The following CORO2B variants were observed in gnomAD, a reference collection of about 807,000 sequenced individuals.
CORO2B encodes coronin-2B.
In CORO2B, 26 loss-of-function variants were observed where a neutral mutation model predicts 58.8. That is an observed-to-expected ratio of 0.44 (90% CI 0.32 to 0.61). The LOEUF (loss-of-function observed/expected upper bound fraction) is 0.61. CORO2B is among the 20% of genes least tolerant of loss of function. The probability of loss-of-function intolerance (pLI) is 0.04; values close to 1 mark genes in which losing one functional copy is unlikely to be tolerated. For missense variants in CORO2B, 460 were observed against 645.1 expected, an observed-to-expected ratio of 0.71 and a Z score of 3.11; for synonymous variants, 242 against 253.8, an observed-to-expected ratio of 0.95 and a Z score of 0.44.
At chr15:68,600,261 C>T (rs879872323) in intron 1 of CORO2B, among the ~76,000 whole-genome samples, 1 of 152,194 alleles carries the variant, frequency 6.6e-6, no homozygotes, top group East Asian at 1.9e-4. Flanking sequence ...TGCACTCCTC[C>T]GTGGAGGCCT....
chr15:68,697,944 G>A (rs1326932532), intron 3 of CORO2B, among the ~76,000 whole-genome samples: 3 of 152,184 alleles, frequency 2.0e-5, no homozygotes, highest in African/African-American at 4.8e-5. Context: ...AGCTGGCTCC[G>A]TCCCTGCCTG....
intron 1 of CORO2B, among the ~76,000 whole-genome samples, chr15:68,615,569 T>G (rs1186903508): frequency 6.6e-6 from 1 of 152,186 alleles, no homozygotes; most frequent in Non-Finnish European, 1.5e-5. Context: ...CTAAAGTTAT[T>G]AAGAGGTGGA....
the CORO2B span, among the ~76,000 whole-genome samples, chr15:68,554,668 C>T: frequency 3.5e-4 from 54 of 152,322 alleles, no homozygotes; most frequent in South Asian, 4.1e-4. Flanking sequence ...TTGGTTTAAT[C>T]TCATTCACTC....
At chr15:68,570,496 A>T in the CORO2B span, among the ~76,000 whole-genome samples, 7 of 152,250 alleles carry the variant, frequency 4.6e-5, no homozygotes, top group African/African-American at 1.7e-4. Context: ...GTGGTGACTC[A>T]TAAGCTGGTG....
the CORO2B span, among the ~76,000 whole-genome samples, chr15:68,532,430 T>A: frequency 6.6e-6 from 1 of 152,168 alleles, no homozygotes; most frequent in East Asian, 1.9e-4. Context: ...CTTAACCCCA[T>A]CCAGTGAAAT....
chr15:68,698,652 G>A (rs1267579896), intron 3 of CORO2B, among the ~76,000 whole-genome samples: 1 of 152,194 alleles, frequency 6.6e-6, no homozygotes, highest in Non-Finnish European at 1.5e-5. Context: ...TGGAATCTCA[G>A]CTTCACCATT....
chr15:68,721,134 G>T (rs112259028), intron 11 of CORO2B, among the ~76,000 whole-genome samples: 1 of 151,524 alleles, frequency 6.6e-6, no homozygotes, highest in African/African-American at 2.4e-5. Context: ...CACCTGCCTC[G>T]GCCTCCCAAA....
the CORO2B span, among the ~76,000 whole-genome samples, chr15:68,519,909 T>C: frequency 0.28 from 42,560 of 152,142 alleles, 6,643 homozygotes; most frequent in African/African-American, 0.41. Context: ...CTAATATAAG[T>C]ATTTAAAGTC....
chr15:68,551,821 C>G, the CORO2B span, among the ~76,000 whole-genome samples: 2 of 152,176 alleles, frequency 1.3e-5, no homozygotes, highest in South Asian at 4.1e-4. Flanking sequence ...TAAAACATGA[C>G]AATGACTCTT....
the CORO2B span, among the ~76,000 whole-genome samples, chr15:68,552,571 T>C: frequency 2.6e-5 from 4 of 152,074 alleles, no homozygotes; most frequent in African/African-American, 9.7e-5. Flanking sequence ...AGTGTGTGCC[T>C]ACGAGTCTCC....
At chr15:68,546,077 T>C in the CORO2B span, among the ~76,000 whole-genome samples, 595 of 152,226 alleles carry the variant, frequency 3.9e-3, 3 homozygotes, top group Non-Finnish European at 6.6e-3. Context: ...TTGCCACCCT[T>C]AGTTGCTTGG....
the CORO2B span, among the ~76,000 whole-genome samples, chr15:68,573,910 G>T: frequency 6.6e-6 from 1 of 152,200 alleles, no homozygotes; most frequent in Non-Finnish European, 1.5e-5. Context: ...GTCTAGGAAG[G>T]CTTTCTGGAG....
At chr15:68,559,548 C>G in the CORO2B span, 82 of 983,464 alleles carry the variant, frequency 8.3e-5, no homozygotes, top group African/African-American at 1.2e-3. This position sits in a 1 kb window ranked among gnomAD's most constrained non-coding sequence, Gnocchi z 4.3. Flanking sequence ...GTTGACCGTG[C>G]CAAGCCGGCC....
At chr15:68,564,134 TTA>T in the CORO2B span, among the ~76,000 whole-genome samples, 1 of 152,188 alleles carries the variant, frequency 6.6e-6, no homozygotes, top group Non-Finnish European at 1.5e-5. Flanking sequence ...ATTGCTGTGC[TTA>T]TTGTCGAATG....
At chr15:68,689,129 G>T (rs1291895530) in intron 2 of CORO2B, among the ~76,000 whole-genome samples, 1 of 151,918 alleles carries the variant, frequency 6.6e-6, no homozygotes, top group Non-Finnish European at 1.5e-5. Context: ...CACCAAGAAG[G>T]GCTGGACTTG....
chr15:68,565,702 G>A, the CORO2B span, among the ~76,000 whole-genome samples: 1 of 152,318 alleles, frequency 6.6e-6, no homozygotes, highest in Non-Finnish European at 1.5e-5. Context: ...AGGGCCACTG[G>A]CTGGGAGAGG....
chr15:68,693,512 C>T (rs1167359378), intron 2 of CORO2B, among the ~76,000 whole-genome samples: 3 of 152,236 alleles, frequency 2.0e-5, no homozygotes, highest in Non-Finnish European at 4.4e-5. Flanking sequence ...ACTTCCTTGC[C>T]TCCTTTCCTC....
At chr15:68,549,516 C>T in the CORO2B span, among the ~76,000 whole-genome samples, 2 of 152,174 alleles carry the variant, frequency 1.3e-5, no homozygotes, top group African/African-American at 4.8e-5. Context: ...CACTTTGGCC[C>T]TTGGCTAAGC....
At chr15:68,535,640 T>C in the CORO2B span, among the ~76,000 whole-genome samples, 1 of 152,308 alleles carries the variant, frequency 6.6e-6, no homozygotes, top group Non-Finnish European at 1.5e-5. Flanking sequence ...AGAGAGCACC[T>C]GCCACTGGCA....
Sources: gnomAD v4.1 joint callset for allele counts (sites outside exome capture counted in the v4.1 genomes callset) on GRCh38, gnomAD v4.1.1 for gene constraint, Gnocchi (gnomAD v3.1) non-coding constraint, MANE v1.5 for transcripts, NCBI Gene and HGNC (gene_info 2026-07-23, HGNC 2026-07-21) for gene names.